PLCB4: variants seen among roughly 807,000 people sequenced by gnomAD.
PLCB4 encodes the protein 1-phosphatidylinositol 4,5-bisphosphate phosphodiesterase beta-4.
In PLCB4, 77 loss-of-function variants were observed where a neutral mutation model predicts 178.8. The ratio of observed to expected loss-of-function variants is 0.43; its 90% confidence interval spans 0.36 to 0.52. The LOEUF (loss-of-function observed/expected upper bound fraction) is 0.52. PLCB4 is among the 20% of genes least tolerant of loss of function. The pLI is 0.00. For missense variants in PLCB4, 1,024 were observed against 1,453.4 expected, an observed-to-expected ratio of 0.70 and a Z score of 4.80; for synonymous variants, 496 against 490.8, an observed-to-expected ratio of 1.01 and a Z score of -0.14.
intron 2 of PLCB4, among the ~76,000 whole-genome samples, chr20:9,116,568 G>A (rs1236019869): frequency 6.6e-6 from 1 of 152,178 alleles, no homozygotes; most frequent in Non-Finnish European, 1.5e-5. Context: ...GCAGACATCT[G>A]CCCTTAGGCT....
chr20:9,459,876 A>G, intron 35 of PLCB4, 66 bp downstream of exon 35: 2 of 1,068,710 alleles, frequency 1.9e-6, no homozygotes, highest in Non-Finnish European at 1.4e-6. Context: ...TTTTGTGTGT[A>G]TAAGAGAGCC....
intron 1 of PLCB4, among the ~76,000 whole-genome samples, chr20:9,082,639 A>C (rs1683345505): frequency 6.6e-6 from 1 of 152,212 alleles, no homozygotes. Flanking sequence ...GCTTTTCAGA[A>C]AACACTTCAT....
At chr20:9,292,021 C>G (rs1042013317) in intron 3 of PLCB4, among the ~76,000 whole-genome samples, 1 of 152,086 alleles carries the variant, frequency 6.6e-6, no homozygotes, top group Non-Finnish European at 1.5e-5. Flanking sequence ...AATTGAAGAG[C>G]TCGTTGTGTG....
chr20:9,464,759 A>G (rs1178157791), intron 35 of PLCB4, among the ~76,000 whole-genome samples: 1 of 152,186 alleles, frequency 6.6e-6, no homozygotes, highest in Non-Finnish European at 1.5e-5. Flanking sequence ...GAATAGACCA[A>G]TAACAGGCTC....
intron 4 of PLCB4, among the ~76,000 whole-genome samples, chr20:9,317,212 A>G (rs1418284570): frequency 6.6e-6 from 1 of 152,180 alleles, no homozygotes; most frequent in African/African-American, 2.4e-5. Flanking sequence ...AAATAATTCT[A>G]GTTTCAAGTA....
At chr20:9,387,137 TC>T (rs1279960638) in intron 14 of PLCB4, among the ~76,000 whole-genome samples, 2 of 152,010 alleles carry the variant, frequency 1.3e-5, no homozygotes, top group Non-Finnish European at 2.9e-5. Context: ...CCTCAAGTGA[TC>T]CGCCTTCCTA....
chr20:9,168,991 G>A (rs907696304), intron 2 of PLCB4, among the ~76,000 whole-genome samples: 2 of 133,796 alleles, frequency 1.5e-5, no homozygotes, highest in African/African-American at 2.9e-5. Context: ...CTCCCTTTGC[G>A]GTTGCTACAA....
At chr20:9,372,213 G>A in intron 10 of PLCB4, 90 bp from the exon 11 acceptor site, 1 of 714,150 alleles carries the variant, frequency 1.4e-6, no homozygotes, top group Non-Finnish European at 2.5e-6. Flanking sequence ...GAGTCCAAGT[G>A]GTCTTCACTG....
chr20:9,188,468 C>G (rs1400580999), intron 2 of PLCB4, among the ~76,000 whole-genome samples: 1 of 152,170 alleles, frequency 6.6e-6, no homozygotes, highest in Non-Finnish European at 1.5e-5. Flanking sequence ...TCTTTTCAGC[C>G]TCGACACTAG....
chr20:9,300,029 A>G (rs1327847079), intron 3 of PLCB4, among the ~76,000 whole-genome samples: 4 of 152,248 alleles, frequency 2.6e-5, no homozygotes, highest in Middle Eastern at 3.4e-3. Context: ...ATGATACAAT[A>G]TATTAATGTC....
chr20:9,277,266 A>AT (rs2094458135), intron 3 of PLCB4, among the ~76,000 whole-genome samples: 1 of 152,068 alleles, frequency 6.6e-6, no homozygotes, highest in African/African-American at 2.4e-5. Flanking sequence ...CGCTCAGCCC[A>AT]TTTTTTGAAA....
At chr20:9,098,763 G>A (rs532670898) in intron 2 of PLCB4, among the ~76,000 whole-genome samples, 32 of 146,840 alleles carry the variant, frequency 2.2e-4, no homozygotes, top group African/African-American at 3.3e-4. Context: ...GTGTGTGTGT[G>A]TATATATATA....
intron 25 of PLCB4, among the ~76,000 whole-genome samples, chr20:9,415,730 G>A (rs760004355): frequency 6.6e-6 from 1 of 152,238 alleles, no homozygotes; most frequent in Non-Finnish European, 1.5e-5. Flanking sequence ...GCCCAATGCA[G>A]AATGAAAATG....
Position 9,372,264 on chromosome 20 carries a change from AC to A in PLCB4, c.586-38del, listed in dbSNP as rs770982382. 7.7e-5 allele frequency: 92 copies of A among 1,201,048 alleles called. No homozygotes were observed. The African/African-American group carries it at 1.3e-3, about 17-fold the overall frequency. 74.4% of individuals were successfully genotyped at this position (1,201,048 alleles called of 1,614,324 possible). On this transcript the variant is annotated intron_variant, in intron 10 of 39. Transcript: ENST00000378473. ...TAGCTTCTCACCCTCCAAGGGAAAA[AC>A]GGTTCTGTGATTCATAACATGATTT...
chr20:9,335,144 C>T (rs375656588), intron 4 of PLCB4, among the ~76,000 whole-genome samples: 11 of 152,102 alleles, frequency 7.2e-5, no homozygotes, highest in African/African-American at 2.4e-4. Context: ...TCTTCATTGC[C>T]GTCAGGATAT....
At chr20:9,314,872 AT>A (rs113478542) in intron 4 of PLCB4, among the ~76,000 whole-genome samples, 3,306 of 141,018 alleles carry the variant, frequency 0.023, 86 homozygotes, top group African/African-American at 0.071. Flanking sequence ...GGGTAGAGGA[AT>A]TTTTTTTTTT....
chr20:9,162,499 A>T (rs1012934326), intron 2 of PLCB4, among the ~76,000 whole-genome samples: 1 of 152,176 alleles, frequency 6.6e-6, no homozygotes, highest in East Asian at 1.9e-4. Context: ...AACAGATTCA[A>T]TATGCTATTC....
In PLCB4 at chr20:9,169,585, TAATAAATAAATA is replaced by T. The variant is rs11473517; in HGVS notation, c.-78-47776_-78-47765del. 5.5e-4 allele frequency among the ~76,000 whole-genome samples: 80 copies of T among 144,494 alleles called. 1 individual carries two copies. Among genetic ancestry groups the T allele is most frequent in the Admixed American group, 3.6e-3 (52 of 14,466 alleles). The allele number at this position is 144,494 out of a possible 152,430, so 94.8% of individuals were successfully genotyped here. On this transcript the variant is annotated intron_variant, in intron 2 of 39. Coordinates refer to ENST00000378473, the MANE Select transcript of PLCB4 (RefSeq NM_001377142.1). The stretch of plus-strand genomic sequence containing the variant: ...GCCTGGGTGACGGAGCAAGACTGTC[TAATAAATAAATA>T]AATAAATAAATAAATAAATAAATAA...
intron 7 of PLCB4, among the ~76,000 whole-genome samples, chr20:9,360,158 G>T (rs892442843): frequency 1.2e-4 from 18 of 152,160 alleles, no homozygotes; most frequent in African/African-American, 4.3e-4. Flanking sequence ...CAAGGCCATT[G>T]ACCTCACTTT....
Sources: allele counts gnomAD v4.1 joint callset (sites outside exome capture counted in the v4.1 genomes callset), GRCh38; gene constraint gnomAD v4.1.1; transcripts MANE v1.5; gene names NCBI Gene and HGNC (gene_info 2026-07-23, HGNC 2026-07-21).